PAK2: variants seen among roughly 807,000 people sequenced by gnomAD.
PAK2 encodes the protein p21 (RAC1) activated kinase 2, also known as serine/threonine-protein kinase PAK 2.
In PAK2, 21 loss-of-function variants were observed where a neutral mutation model predicts 65.9. The observed-to-expected ratio is 0.32, with a 90% CI of 0.23 to 0.46. The LOEUF (loss-of-function observed/expected upper bound fraction) is 0.46. Ranked by LOEUF, PAK2 falls within the 20% of genes least tolerant of loss-of-function variation. PAK2 has a pLI of 1.00. For synonymous variants in PAK2, 204 were observed against 219.7 expected (o/e 0.93, Z 0.63); for missense variants, 324 against 642.6 (o/e 0.50, Z 5.36).
intron 1 of PAK2, among the ~76,000 whole-genome samples, chr3:196,766,270 G>A (rs1714163705): frequency 6.6e-6 from 1 of 152,040 alleles, no homozygotes; most frequent in Admixed American, 6.6e-5. Context: ...GTTCAGTAGA[G>A]GAAATATGAT....
chr3:196,767,578 T>C (rs1332707761), intron 1 of PAK2, among the ~76,000 whole-genome samples: 2 of 150,700 alleles, frequency 1.3e-5, no homozygotes, highest in Admixed American at 1.3e-4. Flanking sequence ...AACCTCCGCC[T>C]CCCGGGTTCA....
chr3:196,747,648 A>G (rs1035651326), intron 1 of PAK2, among the ~76,000 whole-genome samples: 2 of 152,218 alleles, frequency 1.3e-5, no homozygotes, highest in Non-Finnish European at 2.9e-5. Flanking sequence ...TTCTGTTGGT[A>G]ATATACAGAG....
At chr3:196,777,552 C>G (rs1714576370) in intron 1 of PAK2, among the ~76,000 whole-genome samples, 1 of 152,176 alleles carries the variant, frequency 6.6e-6, no homozygotes, top group Non-Finnish European at 1.5e-5. Context: ...AAACATAACC[C>G]TCATCAACAA....
At position 196,760,565 on chromosome 3, in the gene PAK2, CTT is replaced by C. The variant is rs1489451198; in HGVS notation, c.-22+20409_-22+20410del. ...CAAGCCTGGACTCTGAGTATGATTT[CTT>C]ACCTCATTGTTCATATTTCTACAGT... On this transcript the variant is annotated intron_variant, in intron 1 of 14. Transcript: ENST00000327134. 1.8e-4 allele frequency among the ~76,000 whole-genome samples: 27 copies of C among 152,266 alleles called. No homozygotes were observed. In the East Asian group the frequency reaches 4.8e-3, roughly 27 times the overall value.
intron 1 of PAK2, among the ~76,000 whole-genome samples, chr3:196,748,616 A>T (rs1015437438): frequency 6.6e-6 from 1 of 152,194 alleles, no homozygotes; most frequent in Non-Finnish European, 1.5e-5. Flanking sequence ...TTCACTTAGC[A>T]GTATGCATCT....
chr3:196,815,352 C>T (rs1219362119), intron 11 of PAK2, among the ~76,000 whole-genome samples: 19 of 151,454 alleles, frequency 1.3e-4, no homozygotes, highest in East Asian at 1.9e-4. Context: ...ATTAGCCAGG[C>T]ATGGTGGTGC....
chr3:196,751,696 A>ATATATATAATTACC (rs1713603033), intron 1 of PAK2, among the ~76,000 whole-genome samples: 2 of 72,644 alleles, frequency 2.8e-5, no homozygotes, highest in Admixed American at 3.2e-4. Context: ...TATATATATA[A>ATATATATAATTACC]TTCAGGCTAT....
At chr3:196,763,457 C>T (rs1025790367) in intron 1 of PAK2, among the ~76,000 whole-genome samples, 11 of 152,002 alleles carry the variant, frequency 7.2e-5, no homozygotes, top group East Asian at 1.9e-4. Flanking sequence ...CATCGTGTCC[C>T]GGCAAAGGAA....
chr3:196,741,306 A>G (rs752018231), intron 1 of PAK2, among the ~76,000 whole-genome samples: 3 of 152,186 alleles, frequency 2.0e-5, no homozygotes, highest in African/African-American at 4.8e-5. Context: ...ATAGAATAAC[A>G]CTCAGTAAAG....
At chr3:196,773,894 T>C (rs1714453233) in intron 1 of PAK2, among the ~76,000 whole-genome samples, 1 of 147,230 alleles carries the variant, frequency 6.8e-6, no homozygotes, top group Admixed American at 6.8e-5. Context: ...CAAATTCAAT[T>C]AGCCGGGCGT....
intron 8 of PAK2, among the ~76,000 whole-genome samples, chr3:196,811,266 T>TTCCCTTCTCTCCCTTCCC (rs1715795074): frequency 8.9e-5 from 1 of 11,270 alleles, no homozygotes; most frequent in African/African-American, 3.1e-4. Context: ...CCTCCCTTCC[T>TTCCCTTCTCTCCCTTCCC]TCCCTTCCCT....
intron 1 of PAK2, among the ~76,000 whole-genome samples, chr3:196,743,404 GATA>G (rs550087340): frequency 1.3e-5 from 2 of 152,110 alleles, no homozygotes; most frequent in African/African-American, 2.4e-5. Context: ...GTAAGATGGG[GATA>G]ATAATAATAA....
intron 1 of PAK2, among the ~76,000 whole-genome samples, chr3:196,740,577 C>T (rs1390193278): frequency 6.6e-6 from 1 of 152,204 alleles, no homozygotes; most frequent in Non-Finnish European, 1.5e-5. Flanking sequence ...TCAGCCCCTG[C>T]TTGCTCGCTC....
intron 2 of PAK2, among the ~76,000 whole-genome samples, chr3:196,783,834 A>AT (rs1210874604): frequency 2.0e-5 from 3 of 152,022 alleles, no homozygotes; most frequent in South Asian, 2.1e-4. Context: ...TGCTGTCTGC[A>AT]TTTTTTCCAC....
intron 1 of PAK2, among the ~76,000 whole-genome samples, chr3:196,743,139 C>T (rs946660326): frequency 6.6e-6 from 1 of 152,098 alleles, no homozygotes; most frequent in South Asian, 2.1e-4. Context: ...AAATAAAATA[C>T]TGGTTGTTTT....
At chr3:196,804,824 T>TAC (rs1246114369) in intron 4 of PAK2, among the ~76,000 whole-genome samples, 1 of 11,220 alleles carries the variant, frequency 8.9e-5, no homozygotes, top group African/African-American at 3.6e-4. Flanking sequence ...TATATATATA[T>TAC]ACACATATAT....
chr3:196,811,231 T>TTCCC lies in PAK2; in HGVS notation c.773+580_773+583dup, dbSNP rs1715787621. Among the ~76,000 whole-genome samples, 10 of 2,856 alleles carry TTCCC rather than the reference T, an allele frequency of 3.5e-3. 3 individuals carry two copies. The highest frequency in any genetic ancestry group is 0.012 in the African/African-American group (10 of 846). 1.9% of individuals were successfully genotyped at this position (2,856 alleles called of 152,430 possible). A position where few individuals can be genotyped will look rare whatever the true frequency, so the allele number is the denominator to read the frequency against. ...CCTTCCCTTCCCTCCCTCCCTTCCC[T>TTCCC]TCCCTTCCTTCCCTCCCTCCCCTCC... On this transcript the variant is annotated intron_variant, in intron 8 of 14. Coordinates refer to ENST00000327134, the MANE Select transcript of PAK2 (RefSeq NM_002577.4).
intron 6 of PAK2, 75 bp from the exon 7 acceptor site, chr3:196,807,707 A>C (rs1715630480): frequency 2.4e-6 from 2 of 818,392 alleles, no homozygotes; most frequent in Non-Finnish European, 4.0e-6. Context: ...AAATCAAAGA[A>C]CTGAATTAGT....
intron 2 of PAK2, among the ~76,000 whole-genome samples, chr3:196,794,151 A>T (rs962072172): frequency 3.3e-5 from 5 of 152,242 alleles, no homozygotes; most frequent in Admixed American, 1.3e-4. Flanking sequence ...AGAAAAGAAA[A>T]TTCTCTCAAA....
Sources: allele counts gnomAD v4.1 joint callset (sites outside exome capture counted in the v4.1 genomes callset), GRCh38; gene constraint gnomAD v4.1.1; transcripts MANE v1.5; gene names NCBI Gene and HGNC (gene_info 2026-07-23, HGNC 2026-07-21).